MED27: variants seen among roughly 807,000 people sequenced by gnomAD.
MED27 encodes the protein mediator of RNA polymerase II transcription subunit 27.
MED27 carries 30 observed loss-of-function variants against 38.2 expected under a neutral mutation model. The observed-to-expected ratio is 0.79, with a 90% CI of 0.59 to 1.07. The LOEUF is 1.07. MED27 is among the 50% of genes least tolerant of loss of function. MED27 has a pLI of 0.00. For synonymous variants in MED27, 122 were observed against 153.5 expected (o/e 0.79, Z 1.52); for missense variants, 289 against 397.5 (o/e 0.73, Z 2.32).
intron 3 of MED27, among the ~76,000 whole-genome samples, chr9:131,981,503 T>C (rs1831734572): frequency 6.6e-6 from 1 of 152,222 alleles, no homozygotes; most frequent in African/African-American, 2.4e-5. Context: ...TGAGAACCAA[T>C]CCTAACTGAG....
At chr9:131,954,083 C>A (rs1047065254) in intron 3 of MED27, among the ~76,000 whole-genome samples, 1 of 152,172 alleles carries the variant, frequency 6.6e-6, no homozygotes, top group Admixed American at 6.5e-5. Flanking sequence ...GGTTTACAGG[C>A]ATGAGCCACC....
rs138782009 is a variant in MED27, at chr9:131,889,038, T to C, written c.681+4847A>G. Among the ~76,000 whole-genome samples, 81 of 152,346 alleles carry C rather than the reference T, an allele frequency of 5.3e-4. No homozygotes were observed. Among genetic ancestry groups the C allele is most frequent in the African/African-American group, 1.9e-3 (78 of 41,576 alleles). ...TAGAAGTAACAAGAGGCCATTTTTC[T>C]GAAGGTCATCTGAACAATTTCAAAG... is the stretch of plus-strand genomic sequence containing the variant. On this transcript the variant is annotated intron_variant, in intron 5 of 7. Coordinates refer to ENST00000292035, the MANE Select transcript of MED27 (RefSeq NM_004269.4). This position sits in a 1 kb window ranked among gnomAD's most constrained non-coding sequence, Gnocchi z 4.2.
rs769560808 is a variant in MED27 at position 131,862,377 on chromosome 9, G to A, written c.801+686C>T. Among the ~76,000 whole-genome samples, 2 of 152,186 alleles carry A rather than the reference G, an allele frequency of 1.3e-5. No individual in the cohort carries two copies. Among genetic ancestry groups the A allele is most frequent in the Non-Finnish European group, 2.9e-5 (2 of 68,030 alleles). On this transcript the variant is annotated intron_variant, in intron 7 of 7. Transcript: ENST00000292035. This position sits in a 1 kb window ranked among gnomAD's most constrained non-coding sequence, Gnocchi z 4.6. The stretch of plus-strand genomic sequence containing the variant: ...GAGCATGCTGGCGTGAGAGCATGAC[G>A]GTGGAACAGCTGGCGGCTACGTCTG...
In MED27 at chr9:131,862,116, G is replaced by A. The variant is rs1256020172; in HGVS notation, c.801+947C>T. On this transcript the variant is annotated intron_variant, in intron 7 of 7. Transcript: ENST00000292035. The surrounding 1 kb of genome is among the most constrained non-coding windows in gnomAD (Gnocchi z 4.6). ...CACCTGGCTGTGTTGTGCCCACTCT[G>A]CCAGCATCATGAAGCCAATCAACGC... 6.6e-6 allele frequency among the ~76,000 whole-genome samples: 1 copy of A among 152,214 alleles called. No homozygotes were observed. The highest frequency in any genetic ancestry group is 1.5e-5 in the Non-Finnish European group (1 of 68,040).
chr9:131,946,670 C>T (rs1476407996), intron 3 of MED27, among the ~76,000 whole-genome samples: 1 of 152,214 alleles, frequency 6.6e-6, no homozygotes, highest in Non-Finnish European at 1.5e-5. Flanking sequence ...GAGACCTTCA[C>T]TCCAGCTGCA....
In MED27 at chr9:132,034,111, T is replaced by G. The variant is rs540903763; in HGVS notation, c.349-19644A>C. ...GTCATGAGTACCGCTGCAATCTTTA[T>G]TAAACATATGGGAATAAAGAATGTG... On this transcript the variant is annotated intron_variant, in intron 2 of 7. Transcript: ENST00000292035. 3.9e-4 allele frequency among the ~76,000 whole-genome samples: 59 copies of G among 152,276 alleles called. 1 individual carries two copies. The South Asian group carries it at 6.8e-3, about 18-fold the overall frequency.
intron 2 of MED27, among the ~76,000 whole-genome samples, chr9:132,072,412 G>T (rs1465465503): frequency 2.6e-5 from 4 of 152,168 alleles, no homozygotes; most frequent in African/African-American, 7.2e-5. Context: ...CTTGACTCCA[G>T]AACTTACATC....
intron 6 of MED27, among the ~76,000 whole-genome samples, chr9:131,874,083 C>T (rs561161613): frequency 1.2e-4 from 19 of 152,328 alleles, no homozygotes; most frequent in African/African-American, 4.6e-4. Flanking sequence ...ACCTGGGTCT[C>T]AGCCGCATTT....
chr9:131,916,695 T>C (rs1468218340), intron 4 of MED27, among the ~76,000 whole-genome samples: 1 of 152,188 alleles, frequency 6.6e-6, no homozygotes, highest in East Asian at 1.9e-4. Context: ...TGCTATGTCA[T>C]GAGGTGGAAC....
chr9:131,970,073 C>T (rs1219509476), intron 3 of MED27, among the ~76,000 whole-genome samples: 2 of 152,182 alleles, frequency 1.3e-5, no homozygotes, highest in African/African-American at 2.4e-5. Flanking sequence ...TAACAGGGCC[C>T]TGCAGCGGGA....
At chr9:131,971,327 T>C (rs1417755117) in intron 3 of MED27, among the ~76,000 whole-genome samples, 2 of 152,136 alleles carry the variant, frequency 1.3e-5, no homozygotes, top group Non-Finnish European at 2.9e-5. Flanking sequence ...ACTTGGAGAT[T>C]TCCCGGAACA....
intron 3 of MED27, among the ~76,000 whole-genome samples, chr9:131,941,495 C>T (rs934070159): frequency 2.0e-5 from 3 of 152,048 alleles, no homozygotes; most frequent in Middle Eastern, 3.4e-3. Context: ...AATGTTATGT[C>T]GAGTTTTAAA....
At chr9:131,965,149 AG>A (rs1831310364) in intron 3 of MED27, among the ~76,000 whole-genome samples, 3 of 152,230 alleles carry the variant, frequency 2.0e-5, no homozygotes, top group African/African-American at 7.2e-5. Context: ...CCAAATGGTT[AG>A]GTTTAAACAA....
At chr9:132,029,528 T>TG (rs1832903825) in intron 2 of MED27, among the ~76,000 whole-genome samples, 1 of 152,142 alleles carries the variant, frequency 6.6e-6, no homozygotes, top group African/African-American at 2.4e-5. Context: ...GGACAGAGTA[T>TG]GAAAAACCAT....
chr9:132,024,733 G>C (rs1832782103), intron 2 of MED27, among the ~76,000 whole-genome samples: 1 of 152,158 alleles, frequency 6.6e-6, no homozygotes, highest in Admixed American at 6.5e-5. Context: ...ATCGTCTAAG[G>C]CCTGCAGAAA....
At chr9:131,941,406 G>A (rs1179095971) in intron 3 of MED27, among the ~76,000 whole-genome samples, 1 of 152,108 alleles carries the variant, frequency 6.6e-6, no homozygotes, top group African/African-American at 2.4e-5. Context: ...GTTAAAAAGC[G>A]AACACACACG....
chr9:131,965,164 C>T (rs1385421601), intron 3 of MED27, among the ~76,000 whole-genome samples: 1 of 152,204 alleles, frequency 6.6e-6, no homozygotes, highest in Non-Finnish European at 1.5e-5. Flanking sequence ...TAAACAATTG[C>T]TTAAAGTGCT....
chr9:132,033,128 T>C (rs768635854), intron 2 of MED27, among the ~76,000 whole-genome samples: 4 of 152,234 alleles, frequency 2.6e-5, no homozygotes, highest in Non-Finnish European at 5.9e-5. Flanking sequence ...ACGCCTGTCA[T>C]AGTCTCTGGA....
At chr9:132,038,188 CTTT>C (rs144353393) in intron 2 of MED27, among the ~76,000 whole-genome samples, 1 of 125,718 alleles carries the variant, frequency 8.0e-6, no homozygotes, top group Non-Finnish European at 1.6e-5. Flanking sequence ...AGGCATCCTT[CTTT>C]TTTTTTTTTT....
Sources: gnomAD v4.1 joint callset for allele counts (sites outside exome capture counted in the v4.1 genomes callset) on GRCh38, gnomAD v4.1.1 for gene constraint, Gnocchi (gnomAD v3.1) non-coding constraint, MANE v1.5 for transcripts, NCBI Gene and HGNC (gene_info 2026-07-23, HGNC 2026-07-21) for gene names.